ARL13B: variants seen among roughly 807,000 people sequenced by gnomAD.
The protein encoded by ARL13B is ADP-ribosylation factor-like protein 13B.
In ARL13B, 36 loss-of-function variants were observed where a neutral mutation model predicts 56.1. That is an observed-to-expected ratio of 0.64 (90% CI 0.49 to 0.85). ARL13B has a LOEUF of 0.85. Ranked by LOEUF, ARL13B falls within the 40% of genes least tolerant of loss-of-function variation. ARL13B has a pLI of 0.00. For missense variants in ARL13B, 519 were observed against 507.1 expected, an observed-to-expected ratio of 1.02 and a Z score of -0.23; for synonymous variants, 178 against 171.1, an observed-to-expected ratio of 1.04 and a Z score of -0.32.
intron 1 of ARL13B, among the ~76,000 whole-genome samples, chr3:93,986,404 A>T (rs1218631019): frequency 6.6e-6 from 1 of 152,084 alleles, no homozygotes; most frequent in Non-Finnish European, 1.5e-5. Flanking sequence ...ATAAAATCAC[A>T]CTGTTTTTTC....
At chr3:94,009,960 C>T (rs1442756984) in intron 3 of ARL13B, among the ~76,000 whole-genome samples, 1 of 152,106 alleles carries the variant, frequency 6.6e-6, no homozygotes, top group Admixed American at 6.6e-5. Flanking sequence ...CAGAAAAAAA[C>T]TCTTTGGCAG....
At chr3:94,013,382 G>T (rs1575974363) in intron 3 of ARL13B, among the ~76,000 whole-genome samples, 1 of 152,134 alleles carries the variant, frequency 6.6e-6, no homozygotes, top group East Asian at 1.9e-4. Flanking sequence ...TGTGAATTTA[G>T]ACTGTATCTC....
At chr3:94,010,329 T>G (rs1016535969) in intron 3 of ARL13B, among the ~76,000 whole-genome samples, 4 of 152,098 alleles carry the variant, frequency 2.6e-5, no homozygotes, top group Non-Finnish European at 5.9e-5. Flanking sequence ...ATATCATTAT[T>G]ATTGATAATA....
chr3:93,995,929 A>G lies in ARL13B; in HGVS notation c.115A>G (p.Lys39Glu). ...LDNAGKTATA[K>E]GIQGEYPEDV... ...TAATGCTGGTAAAACCGCAACAGCA[A>G]AGGGAATCCAAGGAGGTAAGCTGAA... Residue 39 changes from lysine to glutamate, a missense_variant, in exon 2 of 10, where the codon AAG becomes GAG. Transcript: ENST00000394222. 1 of 1,613,278 alleles carries G rather than the reference A, an allele frequency of 6.2e-7. No individual in the cohort carries two copies. Among genetic ancestry groups the G allele is most frequent in the African/African-American group, 1.3e-5 (1 of 75,004 alleles).
chr3:94,025,879 A>T (rs80148851), intron 3 of ARL13B, among the ~76,000 whole-genome samples: 3,186 of 152,258 alleles, frequency 0.021, 105 homozygotes, highest in African/African-American at 0.073. Context: ...TAGGAAACTC[A>T]GTTTTAGTTC....
intron 7 of ARL13B, 125 bp from the exon 8 acceptor site, chr3:94,049,281 C>G: frequency 1.8e-6 from 1 of 550,672 alleles, no homozygotes; most frequent in African/African-American, 1.9e-5. Context: ...GTAACAATTT[C>G]CAAAGTTAAA....
chr3:94,036,841 A>AGAAC, intron 5 of ARL13B, 87 bp downstream of exon 5: 2 of 1,421,498 alleles, frequency 1.4e-6, no homozygotes, highest in Non-Finnish European at 1.9e-6. Context: ...TTATCTGTTC[A>AGAAC]GTTTCTTCTT....
At position 93,985,861 on chromosome 3, in the gene ARL13B, T is replaced by C. The variant is rs560992046; in HGVS notation, c.59+5379T>C. Among the ~76,000 whole-genome samples the C allele has an allele frequency of 3.3e-5, 5 of 152,320 alleles. No homozygotes were observed. The East Asian group carries it at 9.7e-4, about 29-fold the overall frequency. Reference sequence around the variant, plus strand: ...TTACTTCAAATTTATTAGTAAATTGTTTGCTGTGGCCAAGTCTAAAATAAG... The same window carrying C: ...TTACTTCAAATTTATTAGTAAATTGCTTGCTGTGGCCAAGTCTAAAATAAG... On this transcript the variant is annotated intron_variant, in intron 1 of 9. Coordinates refer to ENST00000394222, the MANE Select transcript of ARL13B (RefSeq NM_001174150.2).
rs552535308 is a variant in ARL13B at position 94,040,250 on chromosome 3, A to G, written c.798+262A>G. Among the ~76,000 whole-genome samples, 5 of 152,224 alleles carry G rather than the reference A, an allele frequency of 3.3e-5. No homozygotes were observed. In the South Asian group the frequency reaches 1.0e-3, roughly 31 times the overall value. On this transcript the variant is annotated intron_variant, in intron 6 of 9. Transcript: ENST00000394222. ...AATAAATTTGACTGTAGCAATTATT[A>G]TAGTTGCTGTGTTGACAAATCTATT...
At chr3:94,010,932 A>G (rs2076214197) in intron 3 of ARL13B, among the ~76,000 whole-genome samples, 1 of 152,078 alleles carries the variant, frequency 6.6e-6, no homozygotes, top group Non-Finnish European at 1.5e-5. Flanking sequence ...TGTAGAAAAA[A>G]TTTTAGAAGG....
intron 2 of ARL13B, among the ~76,000 whole-genome samples, chr3:93,999,266 G>A (rs1379603056): frequency 1.3e-5 from 2 of 151,878 alleles, no homozygotes; most frequent in Non-Finnish European, 2.9e-5. Context: ...TTTAGAGACA[G>A]GGTATCACTT....
chr3:93,998,310 C>T (rs1008280931), intron 2 of ARL13B, among the ~76,000 whole-genome samples: 3 of 152,122 alleles, frequency 2.0e-5, no homozygotes, highest in African/African-American at 7.2e-5. Context: ...ACTGGGTGTA[C>T]TTAGAACATC....
At chr3:94,020,979 AAC>A (rs2076435847) in intron 3 of ARL13B, among the ~76,000 whole-genome samples, 1 of 152,014 alleles carries the variant, frequency 6.6e-6, no homozygotes, top group Non-Finnish European at 1.5e-5. Flanking sequence ...ACTGGCAAGG[AAC>A]AGTTTCTCTA....
At chr3:94,049,897 A>G (rs1388251198) in intron 8 of ARL13B, among the ~76,000 whole-genome samples, 1 of 151,816 alleles carries the variant, frequency 6.6e-6, no homozygotes, top group Admixed American at 6.6e-5. Flanking sequence ...TGACACCTGT[A>G]ATCCCAGCAC....
intron 3 of ARL13B, among the ~76,000 whole-genome samples, chr3:94,022,877 A>T (rs988414028): frequency 6.6e-6 from 1 of 152,054 alleles, no homozygotes; most frequent in Non-Finnish European, 1.5e-5. Flanking sequence ...TCACCTGCTT[A>T]ATTTTGTACA....
At position 94,049,467 on chromosome 3, in the gene ARL13B, T is replaced by C; in HGVS notation, c.1086T>C (p.Leu362=). The change falls in exon 8 of 10, where the codon CTT becomes CTC. Residue 362 remains leucine (L), a synonymous_variant. Coordinates refer to ENST00000394222, the MANE Select transcript of ARL13B (RefSeq NM_001174150.2). Reference sequence around the variant, plus strand: ...AAAGGAACCACCGGGTAGAACCACTTAATATAGATGACTGTGCTCCTGAGA... The same window carrying C: ...AAAGGAACCACCGGGTAGAACCACTCAATATAGATGACTGTGCTCCTGAGA... ...RMKRNHRVEP[L]NIDDCAPESP... 6.2e-7 allele frequency: 1 copy of C among 1,611,884 alleles called. No homozygotes were observed. The highest frequency in any genetic ancestry group is 8.5e-7 in the Non-Finnish European group (1 of 1,179,154).
In ARL13B at chr3:94,048,401, T is replaced by G. The variant is rs184546905; in HGVS notation, c.1025-1005T>G. Reference sequence around the variant, plus strand: ...AACTACTATGTCATCCTAATTTACCTTACTAAAATTTATACATTAACATAG... The same window carrying G: ...AACTACTATGTCATCCTAATTTACCGTACTAAAATTTATACATTAACATAG... On this transcript the variant is annotated intron_variant, in intron 7 of 9. Transcript: ENST00000394222. Among the ~76,000 whole-genome samples, 66 of 152,322 alleles carry G rather than the reference T, an allele frequency of 4.3e-4. 1 individual carries two copies. The East Asian group carries it at 0.012, about 28-fold the overall frequency.
At chr3:94,034,904 G>C (rs1333761294) in intron 3 of ARL13B, among the ~76,000 whole-genome samples, 1 of 152,154 alleles carries the variant, frequency 6.6e-6, no homozygotes, top group African/African-American at 2.4e-5. Context: ...AGATACTAGT[G>C]TGTTCTGTAA....
chr3:94,015,296 A>T lies in ARL13B; in HGVS notation c.380+11388A>T, dbSNP rs1559986071. 1.3e-6 allele frequency: 2 copies of T among 1,499,500 alleles called. No individual in the cohort carries two copies. Among genetic ancestry groups the T allele is most frequent in the Non-Finnish European group, 8.8e-7 (1 of 1,131,846 alleles). 92.9% of individuals were successfully genotyped at this position (1,499,500 alleles called of 1,614,324 possible). A position where few individuals can be genotyped will look rare whatever the true frequency, so the allele number is the denominator to read the frequency against. ...TTCCCTTTCCTCCTAAGAAGCAAAA[A>T]TTTTTGTGTTGAACAAGTAGAAATT... On this transcript the variant is annotated intron_variant, in intron 3 of 9. Transcript: ENST00000394222.
Sources: gnomAD v4.1 joint callset for allele counts (sites outside exome capture counted in the v4.1 genomes callset) on GRCh38, gnomAD v4.1.1 for gene constraint, MANE v1.5 for transcripts, NCBI Gene and HGNC (gene_info 2026-07-23, HGNC 2026-07-21) for gene names.